Variants in COL21A1 observed in about 807,000 individuals in gnomAD.
COL21A1 encodes the protein collagen type XXI alpha 1 chain.
Under a neutral mutation model 137.9 loss-of-function variants are expected in COL21A1, and 149 were observed. The ratio of observed to expected loss-of-function variants is 1.08; its 90% confidence interval spans 0.95 to 1.24. COL21A1 has a LOEUF of 1.24. COL21A1 is among the 50% of genes most tolerant of loss of function. The pLI is 0.00. For synonymous variants in COL21A1, 456 were observed against 391.5 expected (o/e 1.16, Z -1.95); for missense variants, 1,167 against 1,158.4 (o/e 1.01, Z -0.11).
intron 22 of COL21A1, among the ~76,000 whole-genome samples, chr6:56,067,880 G>C (rs2114076072): frequency 6.6e-6 from 1 of 151,688 alleles, no homozygotes; most frequent in East Asian, 1.9e-4. Context: ...CAATGCCCTT[G>C]TTTTTATAGA....
chr6:56,168,160 T>C lies in COL21A1; in HGVS notation c.1164A>G (p.Gln388=). 6.5e-7 allele frequency: 1 copy of C among 1,537,616 alleles called. No individual in the cohort carries two copies. Among genetic ancestry groups the C allele is most frequent in the South Asian group, 1.3e-5 (1 of 78,452 alleles). The change falls in exon 6 of 30, where the codon CAA becomes CAG. Residue 388 remains glutamine, a synonymous_variant. Coordinates refer to ENST00000244728, the MANE Select transcript of COL21A1 (RefSeq NM_030820.4). ...CTTCTTTTCCAGAATATTTTCCAAT[T>C]TGGGTTTGCCCATTGATCAAGATCC... ...VLGILINGQT[Q]IGKYSGKEET...
At chr6:56,335,969 G>T (rs139883851) in intron 1 of COL21A1, among the ~76,000 whole-genome samples, 10 of 152,308 alleles carry the variant, frequency 6.6e-5, no homozygotes, top group African/African-American at 2.2e-4. Flanking sequence ...TCTATTCCAT[G>T]ACGTTGATGA....
At chr6:56,236,165 CAAA>C (rs1490453418) in intron 1 of COL21A1, among the ~76,000 whole-genome samples, 1 of 151,970 alleles carries the variant, frequency 6.6e-6, no homozygotes, top group Non-Finnish European at 1.5e-5. Context: ...CAAACCATCT[CAAA>C]GAAGTGGTTT....
intron 17 of COL21A1, among the ~76,000 whole-genome samples, chr6:56,079,304 A>G (rs1343008426): frequency 6.6e-6 from 1 of 151,738 alleles, no homozygotes; most frequent in Non-Finnish European, 1.5e-5. Context: ...CCTAACGGGC[A>G]CATGTGATTA....
chr6:56,057,271 T>C lies in COL21A1; in HGVS notation c.*386A>G, dbSNP rs570061093. 4.6e-5 allele frequency: 13 copies of C among 282,550 alleles called. No individual in the cohort carries two copies. Among genetic ancestry groups the C allele is most frequent in the Non-Finnish European group, 8.0e-5 (12 of 149,380 alleles). 17.5% of individuals were successfully genotyped at this position (282,550 alleles called of 1,614,324 possible). A position where few individuals can be genotyped will look rare whatever the true frequency, so the allele number is the denominator to read the frequency against. On this transcript the variant is annotated 3_prime_UTR_variant, in exon 30 of 30. Transcript: ENST00000244728. ...TTATGTAGTAGCATGAGCTATGAGA[T>C]AGGAAACATGAAAGTCACATGGACA... is the stretch of plus-strand genomic sequence containing the variant.
At chr6:56,092,750 T>C (rs1768959072) in intron 17 of COL21A1, among the ~76,000 whole-genome samples, 1 of 152,178 alleles carries the variant, frequency 6.6e-6, no homozygotes, top group Admixed American at 6.6e-5. Context: ...AGAATTAGAC[T>C]AAATGAAAAG....
intron 1 of COL21A1, among the ~76,000 whole-genome samples, chr6:56,392,175 T>C (rs996249480): frequency 6.6e-6 from 1 of 152,126 alleles, no homozygotes; most frequent in Admixed American, 6.6e-5. Context: ...ATCCCATGGA[T>C]GCCAGGATAA....
At position 56,120,521 on chromosome 6, in the gene COL21A1, C is replaced by T. The variant is rs540977094; in HGVS notation, c.1758+3541G>A. On this transcript the variant is annotated intron_variant, in intron 16 of 29. Transcript: ENST00000244728. ...TCAAAAAACCTGAAAATGGGTTAGG[C>T]GCAGTGGCTCATGCCTGTAATCCCA... Among the ~76,000 whole-genome samples the T allele has an allele frequency of 6.6e-5, 10 of 152,238 alleles. No individual in the cohort carries two copies. In the South Asian group the frequency reaches 1.2e-3, roughly 19 times the overall value.
intron 20 of COL21A1, among the ~76,000 whole-genome samples, chr6:56,071,592 A>T (rs1479995539): frequency 6.6e-6 from 1 of 151,576 alleles, no homozygotes; most frequent in Admixed American, 6.6e-5. Flanking sequence ...TGCCATTTTC[A>T]GCTTTTAAAA....
intron 1 of COL21A1, among the ~76,000 whole-genome samples, chr6:56,268,020 G>A (rs1009389679): frequency 3.9e-5 from 6 of 152,132 alleles, no homozygotes; most frequent in African/African-American, 1.2e-4. Flanking sequence ...AGCACAACTG[G>A]AGCTAGATCC....
intron 22 of COL21A1, among the ~76,000 whole-genome samples, chr6:56,067,774 A>G (rs1766393112): frequency 1.3e-5 from 2 of 151,770 alleles, no homozygotes; most frequent in African/African-American, 4.8e-5. Context: ...TAGAAAACAT[A>G]TATTTCAAAA....
intron 12 of COL21A1, among the ~76,000 whole-genome samples, chr6:56,137,282 C>G (rs972203658): frequency 2.0e-5 from 3 of 151,898 alleles, no homozygotes; most frequent in Non-Finnish European, 2.9e-5. Flanking sequence ...AAAATTGATG[C>G]AAAACATATC....
At chr6:56,067,222 A>C (rs1174677381) in intron 23 of COL21A1, 73 bp downstream of exon 23, 4 of 1,232,686 alleles carry the variant, frequency 3.2e-6, no homozygotes, top group Non-Finnish European at 4.6e-6. Flanking sequence ...AAAGGAATTT[A>C]AAAGTAAAAT....
At chr6:56,125,982 TTA>T (rs1330145561) in intron 13 of COL21A1, 112 bp downstream of exon 13, 2 of 615,706 alleles carry the variant, frequency 3.2e-6, no homozygotes, top group African/African-American at 3.8e-5. Flanking sequence ...ATTGTTTACT[TTA>T]TCTCTAATTA....
rs1765428239 is a variant in COL21A1 at position 56,057,479 on chromosome 6, G to A, written c.*178C>T. ...GCTAATCCAAGGGCTCCAAATGACT[G>A]AGGAGCCTTTAAAATCAGTATATGT... On this transcript the variant is annotated 3_prime_UTR_variant, in exon 30 of 30. Coordinates refer to ENST00000244728, the MANE Select transcript of COL21A1 (RefSeq NM_030820.4). The A allele has an allele frequency of 9.6e-6, 6 of 625,926 alleles. No homozygotes were observed. The highest frequency in any genetic ancestry group is 1.7e-5 in the Non-Finnish European group (6 of 363,448). The allele number at this position is 625,926 out of a possible 1,614,324, so 38.8% of individuals were successfully genotyped here. A position where few individuals can be genotyped will look rare whatever the true frequency, so the allele number is the denominator to read the frequency against.
chr6:56,067,229 A>C, intron 23 of COL21A1, 66 bp downstream of exon 23: 1 of 1,305,468 alleles, frequency 7.7e-7, no homozygotes, highest in Non-Finnish European at 1.1e-6. Flanking sequence ...TTTAAAAGTA[A>C]AATAAGAACT....
intron 12 of COL21A1, among the ~76,000 whole-genome samples, chr6:56,136,801 A>G (rs984694794): frequency 1.3e-5 from 2 of 152,144 alleles, no homozygotes; most frequent in Non-Finnish European, 2.9e-5. Flanking sequence ...ACATTTTGCA[A>G]TTTAAAGGTT....
intron 1 of COL21A1, among the ~76,000 whole-genome samples, chr6:56,359,311 TC>T (rs1164340383): frequency 6.6e-6 from 1 of 152,220 alleles, no homozygotes; most frequent in African/African-American, 2.4e-5. Flanking sequence ...CCCCGTGGGC[TC>T]TGTTTTGTCT....
At chr6:56,098,596 T>TATATATAAATATATATATAA (rs1770015047) in intron 17 of COL21A1, among the ~76,000 whole-genome samples, 1 of 10,366 alleles carries the variant, frequency 9.6e-5, no homozygotes, top group South Asian at 2.1e-3. Context: ...AATATATAAA[T>TATATATAAATATATATATAA]ATATATATAA....
Sources: allele counts gnomAD v4.1 joint callset (sites outside exome capture counted in the v4.1 genomes callset), GRCh38; gene constraint gnomAD v4.1.1; transcripts MANE v1.5; gene names NCBI Gene and HGNC (gene_info 2026-07-23, HGNC 2026-07-21).